IPO11: variants seen among roughly 807,000 people sequenced by gnomAD.
The protein encoded by IPO11 is importin-11.
IPO11 carries 66 observed loss-of-function variants against 143.2 expected under a neutral mutation model. That is an observed-to-expected ratio of 0.46 (90% confidence interval 0.38 to 0.57). IPO11 has a LOEUF of 0.57. IPO11 is among the 20% of genes least tolerant of loss of function. The pLI, the probability that IPO11 is intolerant of heterozygous loss-of-function variation, is 0.00. For missense variants in IPO11, 1,026 were observed against 1,141.0 expected (o/e 0.90, Z 1.45); for synonymous variants, 385 against 377.8 (o/e 1.02, Z -0.22).
intron 16 of IPO11, 25 bp downstream of exon 16, chr5:62,494,149 GAGTT>G (rs1561333936): frequency 1.3e-6 from 2 of 1,584,754 alleles, no homozygotes. Flanking sequence ...TGCCTTAAAA[GAGTT>G]AGTTTTTAAA....
At chr5:62,445,161 T>C (rs1744675257) in intron 3 of IPO11, among the ~76,000 whole-genome samples, 1 of 152,072 alleles carries the variant, frequency 6.6e-6, no homozygotes, top group East Asian at 1.9e-4. Context: ...ACTTATAAAC[T>C]TAAGACTTTT....
intron 27 of IPO11, among the ~76,000 whole-genome samples, chr5:62,565,894 C>T (rs1743921726): frequency 6.6e-6 from 1 of 150,436 alleles, no homozygotes; most frequent in African/African-American, 2.4e-5. Flanking sequence ...GTTTTCTGTT[C>T]CTGCGTTAAT....
At chr5:62,432,666 T>A (rs1260016159) in intron 1 of IPO11, among the ~76,000 whole-genome samples, 2 of 152,262 alleles carry the variant, frequency 1.3e-5, no homozygotes, top group Admixed American at 1.3e-4. Flanking sequence ...TTTTCACCAG[T>A]TAGGGTTGTA....
At chr5:62,522,858 G>A (rs1263728170) in intron 20 of IPO11, among the ~76,000 whole-genome samples, 2 of 152,170 alleles carry the variant, frequency 1.3e-5, no homozygotes, top group African/African-American at 4.8e-5. Context: ...TATGTATCTG[G>A]ATGAGATCTT....
At chr5:62,541,734 C>G (rs950481756) in intron 24 of IPO11, among the ~76,000 whole-genome samples, 4 of 150,970 alleles carry the variant, frequency 2.6e-5, no homozygotes, top group African/African-American at 9.7e-5. Context: ...TTTGGCTGCT[C>G]AGAATAACAC....
chr5:62,616,359 A>T (rs372686919), intron 29 of IPO11, among the ~76,000 whole-genome samples: 46 of 152,236 alleles, frequency 3.0e-4, no homozygotes, highest in African/African-American at 1.1e-3. Flanking sequence ...AAAGTTTTCT[A>T]CTCTTTCTGA....
intron 1 of IPO11, among the ~76,000 whole-genome samples, chr5:62,435,042 G>GTATATATATATGTATA (rs1388105348): frequency 4.9e-5 from 6 of 122,080 alleles, no homozygotes; most frequent in African/African-American, 1.5e-4. Context: ...AAATATATAT[G>GTATATATATATGTATA]TATATGTGTA....
intron 20 of IPO11, among the ~76,000 whole-genome samples, chr5:62,516,331 T>C (rs558594944): frequency 6.6e-5 from 10 of 152,318 alleles, no homozygotes; most frequent in African/African-American, 2.4e-4. Flanking sequence ...TCTCGCTCTG[T>C]TGCACAGGCT....
chr5:62,476,626 ATGT>A (rs1392618289), intron 8 of IPO11, 54 bp from the exon 9 acceptor site: 15 of 1,450,108 alleles, frequency 1.0e-5, no homozygotes, highest in Admixed American at 2.7e-5. Flanking sequence ...AAAAATTTTG[ATGT>A]TGTCTTGGTT....
chr5:62,472,583 A>G (rs26619), intron 7 of IPO11, among the ~76,000 whole-genome samples: 13,487 of 148,726 alleles, frequency 0.091, 672 homozygotes, highest in East Asian at 0.14. Context: ...GCTGGAGTGC[A>G]ATGGCGTGAT....
At chr5:62,485,353 T>C (rs1746360546) in intron 11 of IPO11, 66 bp from the exon 12 acceptor site, 1 of 1,241,398 alleles carries the variant, frequency 8.1e-7, no homozygotes, top group South Asian at 1.2e-5. Flanking sequence ...ATACTGATGT[T>C]ATTAAAATCT....
intron 20 of IPO11, among the ~76,000 whole-genome samples, chr5:62,521,350 A>C (rs974917326): frequency 6.6e-6 from 1 of 152,226 alleles, no homozygotes; most frequent in African/African-American, 2.4e-5. Context: ...TTTGGCTGGT[A>C]TAAAAGTCTA....
At position 62,567,030 on chromosome 5, in the gene IPO11, G is replaced by C. The variant is rs148625071; in HGVS notation, c.2582+5773G>C. 6.2e-3 allele frequency among the ~76,000 whole-genome samples: 941 copies of C among 152,178 alleles called. 4 individuals are homozygous for C. The highest frequency in any genetic ancestry group is 0.024 in the Middle Eastern group (7 of 294). On this transcript the variant is annotated intron_variant, in intron 27 of 29. Transcript: ENST00000325324. Reference sequence around the variant, plus strand: ...TTTACCAGGGAATTTTATCCATCCAGATGTTTTCTTGTTACATTTTACCAT... The same window carrying C: ...TTTACCAGGGAATTTTATCCATCCACATGTTTTCTTGTTACATTTTACCAT...
chr5:62,550,392 A>G lies in IPO11; in HGVS notation c.2276A>G (p.Asn759Ser), dbSNP rs1287517173. 1 of 1,612,986 alleles carries G rather than the reference A, an allele frequency of 6.2e-7. No individual in the cohort carries two copies. The change falls in exon 25 of 30, where the codon AAC becomes AGC. Residue 759 changes from asparagine (N) to serine (S), a missense_variant. This residue lies in a region of IPO11 where 351 missense variants were observed against 358.9 expected (regional missense o/e 0.98). Coordinates refer to ENST00000325324, the MANE Select transcript of IPO11 (RefSeq NM_016338.5). ...LKVVENALKVNPILGPQMFQP... is the reference protein window; with the variant it reads ...LKVVENALKVSPILGPQMFQP... ...GTTGTGGAAAATGCCCTTAAAGTGA[A>G]CCCAATACTAGGTCCACAAATGTTT... is the stretch of plus-strand genomic sequence containing the variant.
intron 3 of IPO11, chr5:62,443,402 T>C (rs990628060): frequency 6.4e-5 from 12 of 187,122 alleles, no homozygotes; most frequent in South Asian, 1.4e-4. Flanking sequence ...TGTGTGTGTG[T>C]GTGTGTGTGT....
At chr5:62,449,742 C>T in intron 3 of IPO11, 185 bp from the exon 4 acceptor site, 1 of 421,354 alleles carries the variant, frequency 2.4e-6, no homozygotes, top group South Asian at 6.6e-5. Context: ...GTTTAGAAAA[C>T]TTTTTATTGT....
At chr5:62,506,068 A>G (rs751438472) in intron 18 of IPO11, among the ~76,000 whole-genome samples, 173 bp from the exon 19 acceptor site, 1 of 152,166 alleles carries the variant, frequency 6.6e-6, no homozygotes, top group Non-Finnish European at 1.5e-5. Context: ...GTAAAACAAT[A>G]TGTACCGGCA....
chr5:62,518,146 A>G (rs1742087969), intron 20 of IPO11, among the ~76,000 whole-genome samples: 1 of 150,368 alleles, frequency 6.7e-6, no homozygotes. Flanking sequence ...CTACTAAAAA[A>G]AAAAAAAAAA....
At chr5:62,434,222 C>T (rs189354779) in intron 1 of IPO11, among the ~76,000 whole-genome samples, 5 of 152,276 alleles carry the variant, frequency 3.3e-5, no homozygotes, top group Admixed American at 1.3e-4. Context: ...TTGTCATTCA[C>T]GTCTCTCATA....
Sources: allele counts gnomAD v4.1 joint callset (sites outside exome capture counted in the v4.1 genomes callset), GRCh38; gene constraint gnomAD v4.1.1; regional missense constraint gnomAD v4.1.1; transcripts MANE v1.5; gene names NCBI Gene and HGNC (gene_info 2026-07-23, HGNC 2026-07-21).